The following ITGA4 variants were observed in gnomAD, a reference collection of about 807,000 sequenced individuals.
ITGA4 encodes the protein integrin subunit alpha 4, also known as integrin alpha-4.
Under a neutral mutation model 133.6 loss-of-function variants are expected in ITGA4, and 63 were observed. The ratio of observed to expected loss-of-function variants is 0.47; its 90% CI spans 0.38 to 0.58. The LOEUF is 0.58. Ranked by LOEUF, ITGA4 falls within the 20% of genes least tolerant of loss-of-function variation. The pLI, the probability that ITGA4 is intolerant of heterozygous loss-of-function variation, is 0.00. For missense variants in ITGA4, 1,076 were observed against 1,252.7 expected (o/e 0.86, Z 2.13); for synonymous variants, 483 against 438.0 (o/e 1.10, Z -1.28).
At chr2:181,464,409 A>G (rs925038230) in intron 2 of ITGA4, among the ~76,000 whole-genome samples, 1 of 152,146 alleles carries the variant, frequency 6.6e-6, no homozygotes, top group Admixed American at 6.5e-5. Flanking sequence ...TTACTTATGT[A>G]TTGGAAATAC....
rs199515618 is a variant in ITGA4 at position 181,536,527 on chromosome 2, G to A, written c.*1000G>A. ...CTATCACACAACTATTTCCTTGGAT[G>A]TAATTCTTTGTTACCCTTTACAAGT... On this transcript the variant is annotated 3_prime_UTR_variant, in exon 28 of 28. Transcript: ENST00000397033. 9.6e-6 allele frequency: 1 copy of A among 103,636 alleles called. No homozygotes were observed. Among genetic ancestry groups the A allele is most frequent in the South Asian group, 3.8e-4 (1 of 2,650 alleles). 6.4% of individuals were successfully genotyped at this position (103,636 alleles called of 1,614,324 possible).
chr2:181,476,680 T>C (rs547969443), intron 4 of ITGA4, among the ~76,000 whole-genome samples: 1 of 152,254 alleles, frequency 6.6e-6, no homozygotes, highest in East Asian at 1.9e-4. Context: ...TCTCTTCAAT[T>C]AATGGTGTTA....
rs530943966 is a variant in ITGA4, at chr2:181,457,487, G to C, written c.-168G>C. 3 of 624,502 alleles carry C rather than the reference G, an allele frequency of 4.8e-6. 1 individual carries two copies. The South Asian group carries it at 6.2e-5, about 13-fold the overall frequency. The allele number at this position is 624,502 out of a possible 1,614,324, so 38.7% of individuals were successfully genotyped here. On this transcript the variant is annotated 5_prime_UTR_variant, in exon 1 of 28. Coordinates refer to ENST00000397033, the MANE Select transcript of ITGA4 (RefSeq NM_000885.6). ...AGGCCGGCCCGAACGCTCCGCCCGC[G>C]GTGGGCCGACTTCCCCTCCTCTTCC...
chr2:181,506,049 T>C (rs114313479), intron 15 of ITGA4, among the ~76,000 whole-genome samples: 2,288 of 152,228 alleles, frequency 0.015, 39 homozygotes, highest in Middle Eastern at 0.078. Context: ...TACCAAGTAA[T>C]TTAATATAAG....
At position 181,495,842 on chromosome 2, in the gene ITGA4, C is replaced by G; in HGVS notation, c.1445C>G (p.Thr482Arg). Residue 482 changes from threonine to arginine, a missense_variant, in exon 14 of 28, where the codon ACG (threonine) becomes AGG (arginine). Transcript: ENST00000397033. The surrounding 1 kb of genome is among the most constrained non-coding windows in gnomAD (Gnocchi z 4.3). ...SLSHPESVNR[T>R]KFDCVENGWP... ...AGCCACCCTGAGTCAGTAAATAGAA[C>G]GAAATTTGACTGTGTTGAAAATGGA... 6.2e-7 allele frequency: 1 copy of G among 1,613,672 alleles called. No individual in the cohort carries two copies. Among genetic ancestry groups the G allele is most frequent in the Non-Finnish European group, 8.5e-7 (1 of 1,179,714 alleles).
At chr2:181,506,162 A>G (rs1316103532) in intron 15 of ITGA4, among the ~76,000 whole-genome samples, 2 of 152,092 alleles carry the variant, frequency 1.3e-5, no homozygotes, top group Admixed American at 6.6e-5. Flanking sequence ...TCCTTGTTCT[A>G]TAACTAATTT....
At position 181,524,155 on chromosome 2, in the gene ITGA4, G is replaced by T. The variant is rs1686785272; in HGVS notation, c.2170-16G>T. 1.3e-6 allele frequency: 2 copies of T among 1,551,490 alleles called. No individual in the cohort carries two copies. Among genetic ancestry groups the T allele is most frequent in the East Asian group, 2.3e-5 (1 of 43,626 alleles). ...AAGATTTTTTTTAATGGGCTTTCCT[G>T]GTCTGTGTTTTACAGATAGATATTA... On this transcript the variant is annotated splice_polypyrimidine_tract_variant and intron_variant, in intron 19 of 27. Transcript: ENST00000397033.
In ITGA4 at chr2:181,535,485, A is replaced by AGACAGTTGGAGTTATATC; in HGVS notation, c.3058_3075dup (p.Asp1020_Ile1025dup). ...CTATCCTACAAGAAGAAAACAGAAGAGACAGTTGGAGTTATATCAACAGTA... is the reference window on the plus strand; with the variant it reads ...CTATCCTACAAGAAGAAAACAGAAGAGACAGTTGGAGTTATATCGACAGTTGGAGTTATATCAACAGTA... On this transcript the variant is annotated inframe_insertion, in exon 28 of 28. Coordinates refer to ENST00000397033, the MANE Select transcript of ITGA4 (RefSeq NM_000885.6). 6.2e-7 allele frequency: 1 copy of AGACAGTTGGAGTTATATC among 1,609,916 alleles called. No individual in the cohort carries two copies. The highest frequency in any genetic ancestry group is 1.1e-5 in the South Asian group (1 of 90,522).
intron 22 of ITGA4, 33 bp from the exon 23 acceptor site, chr2:181,529,508 T>A: frequency 9.3e-7 from 1 of 1,069,940 alleles, no homozygotes; most frequent in Non-Finnish European, 1.4e-6. Context: ...TAGAAAACAT[T>A]TAATTTGTTA....
At position 181,537,225 on chromosome 2, in the gene ITGA4, AG is replaced by A. The variant is rs1310916547; in HGVS notation, c.*1700del. ...GCCCCGATTTAGAACTGTCTTCTCC[AG>A]GATGGTCTCTAAGGAAATTTACATT... On this transcript the variant is annotated 3_prime_UTR_variant, in exon 28 of 28. Coordinates refer to ENST00000397033, the MANE Select transcript of ITGA4 (RefSeq NM_000885.6). 2.2e-6 allele frequency: 1 copy of A among 452,980 alleles called. No homozygotes were observed. Among genetic ancestry groups the A allele is most frequent in the Non-Finnish European group, 4.4e-6 (1 of 225,968 alleles). The allele number at this position is 452,980 out of a possible 1,614,324, so 28.1% of individuals were successfully genotyped here.
intron 20 of ITGA4, 35 bp from the exon 21 acceptor site, chr2:181,525,167 G>A (rs995872095): frequency 8.4e-7 from 1 of 1,193,626 alleles, no homozygotes; most frequent in Non-Finnish European, 1.3e-6. Context: ...TTTTCTGCTT[G>A]GTGAATTCTA....
intron 2 of ITGA4, 190 bp downstream of exon 2, chr2:181,458,507 C>G: frequency 1.6e-6 from 1 of 635,724 alleles, no homozygotes; most frequent in South Asian, 2.0e-5. Context: ...TAATATCGTT[C>G]TCCCTTTTCC....
chr2:181,485,197 T>G (rs1238240201), intron 9 of ITGA4, among the ~76,000 whole-genome samples: 3 of 152,108 alleles, frequency 2.0e-5, no homozygotes, highest in Admixed American at 6.6e-5. Flanking sequence ...AAATTAAGAG[T>G]AAATTTTCCT....
chr2:181,485,300 T>C (rs1685890327), intron 9 of ITGA4, among the ~76,000 whole-genome samples: 2 of 152,222 alleles, frequency 1.3e-5, no homozygotes, highest in Admixed American at 1.3e-4. Flanking sequence ...TTCTTTGGAA[T>C]TTGTTTTGCT....
At chr2:181,496,048 G>A (rs182670952) in intron 14 of ITGA4, 111 bp downstream of exon 14, 55 of 1,105,168 alleles carry the variant, frequency 5.0e-5, no homozygotes, top group South Asian at 6.1e-5. Context: ...TCTTTAGAGC[G>A]GGGGAGAGAA....
Position 181,457,548 on chromosome 2 carries a change from G to A in ITGA4, c.-107G>A, listed in dbSNP as rs1413473701. ...CCTTTAGCCCGCTGGCGCCGGACACGCTGCGCCTCATCTCTTGGGGCGTTC... is the reference window on the plus strand; with the variant it reads ...CCTTTAGCCCGCTGGCGCCGGACACACTGCGCCTCATCTCTTGGGGCGTTC... On this transcript the variant is annotated 5_prime_UTR_variant, in exon 1 of 28. Coordinates refer to ENST00000397033, the MANE Select transcript of ITGA4 (RefSeq NM_000885.6). 5 of 1,023,186 alleles carry A rather than the reference G, an allele frequency of 4.9e-6. No individual in the cohort carries two copies. Among genetic ancestry groups the A allele is most frequent in the Non-Finnish European group, 7.1e-6 (5 of 706,266 alleles). 63.4% of individuals were successfully genotyped at this position (1,023,186 alleles called of 1,614,324 possible). A position where few individuals can be genotyped will look rare whatever the true frequency, so the allele number is the denominator to read the frequency against.
At chr2:181,524,124 G>A (rs1324604419) in intron 19 of ITGA4, 47 bp from the exon 20 acceptor site, 2 of 1,226,328 alleles carry the variant, frequency 1.6e-6, no homozygotes, top group Non-Finnish European at 2.3e-6. Context: ...TATAAAAAAT[G>A]TACTTAAGAT....
chr2:181,484,411 G>T (rs1685870554), intron 9 of ITGA4, among the ~76,000 whole-genome samples: 2 of 152,102 alleles, frequency 1.3e-5, no homozygotes, highest in Admixed American at 6.6e-5. Flanking sequence ...TCTCCTTCCA[G>T]AACTTCAGAG....
At chr2:181,466,588 C>A (rs1685422275) in intron 2 of ITGA4, among the ~76,000 whole-genome samples, 1 of 152,040 alleles carries the variant, frequency 6.6e-6, no homozygotes, top group South Asian at 2.1e-4. Flanking sequence ...ATTTTACTTT[C>A]CATCACCCAA....
Sources: allele counts gnomAD v4.1 joint callset (sites outside exome capture counted in the v4.1 genomes callset), GRCh38; gene constraint gnomAD v4.1.1; non-coding constraint Gnocchi (gnomAD v3.1); transcripts MANE v1.5; gene names NCBI Gene and HGNC (gene_info 2026-07-23, HGNC 2026-07-21).